ANKFN1: variants seen among roughly 807,000 people sequenced by gnomAD.
The protein encoded by ANKFN1 is ankyrin repeat and fibronectin type-III domain-containing protein 1.
A neutral mutation model predicts 108.7 loss-of-function variants in ANKFN1; 74 were observed. That is an observed-to-expected ratio of 0.68 (90% confidence interval 0.56 to 0.83). ANKFN1 has a LOEUF of 0.83. ANKFN1 is among the 40% of genes least tolerant of loss of function. ANKFN1 has a pLI of 0.00. For missense variants in ANKFN1, 1,505 were observed against 1,382.3 expected, an observed-to-expected ratio of 1.09 and a Z score of -1.41; for synonymous variants, 547 against 516.2, an observed-to-expected ratio of 1.06 and a Z score of -0.81.
intron 10 of ANKFN1, 74 bp from the exon 11 acceptor site, chr17:56,449,005 G>T: frequency 7.6e-7 from 1 of 1,312,918 alleles, no homozygotes; most frequent in Non-Finnish European, 1.1e-6. Flanking sequence ...CAAAACTCCG[G>T]CTCCTGACGC....
At chr17:56,156,210 G>T (rs369597063) in intron 1 of ANKFN1, among the ~76,000 whole-genome samples, 25 of 151,960 alleles carry the variant, frequency 1.6e-4, no homozygotes, top group African/African-American at 5.3e-4. Flanking sequence ...CTCTCGAGTA[G>T]TTGGGACTAC....
intron 10 of ANKFN1, among the ~76,000 whole-genome samples, chr17:56,443,146 G>T (rs1333093163): frequency 1.3e-5 from 2 of 152,306 alleles, no homozygotes; most frequent in African/African-American, 4.8e-5. Flanking sequence ...TTTGGAAACA[G>T]AAAGGCTGAA....
At chr17:56,053,999 AT>A (rs1324034639) in intron 4 of ANKFN1, among the ~76,000 whole-genome samples, 1 of 152,120 alleles carries the variant, frequency 6.6e-6, no homozygotes, top group African/African-American at 2.4e-5. Context: ...ATCCCTAGCC[AT>A]TCTTCCTCCC....
intron 4 of ANKFN1, among the ~76,000 whole-genome samples, chr17:56,077,889 A>G (rs8065195): frequency 0.055 from 8,297 of 152,152 alleles, 772 homozygotes; most frequent in African/African-American, 0.19. Context: ...TACAAACACT[A>G]TGCTAAATAC....
At chr17:56,435,999 G>A (rs996984969) in intron 8 of ANKFN1, among the ~76,000 whole-genome samples, 7 of 151,930 alleles carry the variant, frequency 4.6e-5, no homozygotes, top group Non-Finnish European at 7.4e-5. Flanking sequence ...AACTGATTCC[G>A]TGACATTTCC....
chr17:56,477,366 C>T (rs751605746), intron 15 of ANKFN1, 122 bp from the exon 16 acceptor site: 3 of 964,618 alleles, frequency 3.1e-6, no homozygotes, highest in Non-Finnish European at 4.3e-6. Flanking sequence ...GGTTTCTCAC[C>T]TAATTACTTA....
intron 6 of ANKFN1, among the ~76,000 whole-genome samples, chr17:56,354,939 A>G (rs2144689977): frequency 2.6e-5 from 4 of 152,270 alleles, no homozygotes; most frequent in African/African-American, 9.6e-5. Context: ...TTTCCCTTGG[A>G]TATATACCCA....
At chr17:56,173,559 T>C (rs1222125357) in intron 1 of ANKFN1, among the ~76,000 whole-genome samples, 26 of 152,136 alleles carry the variant, frequency 1.7e-4, no homozygotes, top group Non-Finnish European at 5.9e-5. Context: ...CTCTTTTTTT[T>C]TTATGGTCCC....
At chr17:56,079,564 C>T (rs1416207640) in intron 4 of ANKFN1, among the ~76,000 whole-genome samples, 7 of 152,122 alleles carry the variant, frequency 4.6e-5, no homozygotes, top group Non-Finnish European at 1.0e-4. Flanking sequence ...AGAGGAAAGA[C>T]CCATGTGAAA....
At chr17:56,304,229 A>G (rs926067747) in intron 3 of ANKFN1, among the ~76,000 whole-genome samples, 3 of 152,154 alleles carry the variant, frequency 2.0e-5, no homozygotes, top group African/African-American at 7.2e-5. Context: ...ACATTTCAAA[A>G]ATGTTATATA....
At chr17:56,419,593 A>T (rs563479477) in intron 8 of ANKFN1, among the ~76,000 whole-genome samples, 2 of 152,198 alleles carry the variant, frequency 1.3e-5, no homozygotes, top group African/African-American at 4.8e-5. Context: ...CAGGATTTCT[A>T]GACCACCTGA....
At chr17:56,417,331 T>G (rs956819175) in intron 8 of ANKFN1, among the ~76,000 whole-genome samples, 1 of 152,202 alleles carries the variant, frequency 6.6e-6, no homozygotes, top group Non-Finnish European at 1.5e-5. Flanking sequence ...TTGTACTCCA[T>G]TAATATATAT....
At chr17:56,089,834 C>T (rs1184250889) in intron 4 of ANKFN1, among the ~76,000 whole-genome samples, 2 of 151,296 alleles carry the variant, frequency 1.3e-5, no homozygotes, top group African/African-American at 4.9e-5. Context: ...CCAGCAGCAG[C>T]TCCCTGAGCC....
rs147145355 is a variant in ANKFN1 at position 56,242,296 on chromosome 17, G to C, written c.53+14339G>C. 1.4e-4 allele frequency among the ~76,000 whole-genome samples: 21 copies of C among 152,092 alleles called. No individual in the cohort carries two copies. In the East Asian group the frequency reaches 4.1e-3, roughly 29 times the overall value. ...AATTATATAGAATTTATATTCAGGAGAATTGGCATCTTTGTTATACTGTAC... is the reference window on the plus strand; with the variant it reads ...AATTATATAGAATTTATATTCAGGACAATTGGCATCTTTGTTATACTGTAC... On this transcript the variant is annotated intron_variant, in intron 3 of 20. Coordinates refer to ENST00000682825, the MANE Select transcript of ANKFN1 (RefSeq NM_001370326.1).
intron 4 of ANKFN1, among the ~76,000 whole-genome samples, chr17:56,346,514 G>T (rs1598436079): frequency 6.6e-6 from 1 of 152,114 alleles, no homozygotes; most frequent in Non-Finnish European, 1.5e-5. Flanking sequence ...AGCTGGAGAA[G>T]ATGGGAATAG....
intron 1 of ANKFN1, among the ~76,000 whole-genome samples, chr17:56,195,835 AAGAAAAAATAAAATAAGG>A (rs1913455929): frequency 6.6e-6 from 1 of 152,190 alleles, no homozygotes; most frequent in Non-Finnish European, 1.5e-5. Flanking sequence ...CTTAAATAAG[AAGAAAAAATAAAATAAGG>A]AGAAAAAATA....
At chr17:56,414,037 C>T (rs1392249249) in intron 8 of ANKFN1, among the ~76,000 whole-genome samples, 1 of 152,144 alleles carries the variant, frequency 6.6e-6, no homozygotes, top group Admixed American at 6.5e-5. Flanking sequence ...GGGATAAAGC[C>T]TACTTGGTAA....
intron 8 of ANKFN1, among the ~76,000 whole-genome samples, chr17:56,425,371 T>C (rs1235615105): frequency 1.3e-5 from 2 of 152,212 alleles, no homozygotes; most frequent in Non-Finnish European, 2.9e-5. Context: ...CCAATGTCTT[T>C]CTGGTCTCTT....
chr17:56,355,007 G>A (rs1188843151), intron 6 of ANKFN1, among the ~76,000 whole-genome samples: 1 of 152,120 alleles, frequency 6.6e-6, no homozygotes, highest in Non-Finnish European at 1.5e-5. Context: ...AATTAGGTAG[G>A]AGGAATGTCT....
Sources: gnomAD v4.1 joint callset for allele counts (sites outside exome capture counted in the v4.1 genomes callset) on GRCh38, gnomAD v4.1.1 for gene constraint, MANE v1.5 for transcripts, NCBI Gene and HGNC (gene_info 2026-07-23, HGNC 2026-07-21) for gene names.